ZNF668: variants seen among roughly 807,000 people sequenced by gnomAD.
ZNF668 encodes zinc finger protein 668.
Under a neutral mutation model 40.3 loss-of-function variants are expected in ZNF668, and 10 were observed. The observed-to-expected ratio is 0.25, with a 90% CI of 0.15 to 0.42. The LOEUF is 0.42. Among genes scored for constraint, ZNF668 ranks in the 10% least tolerant of loss-of-function variants. ZNF668 has a pLI of 1.00. For synonymous variants in ZNF668, 428 were observed against 384.6 expected (o/e 1.11, Z -1.32); for missense variants, 749 against 904.6 (o/e 0.83, Z 2.21).
chr16:31,069,658 TTTA>T (rs369690640), intron 1 of ZNF668, among the ~76,000 whole-genome samples: 4 of 152,140 alleles, frequency 2.6e-5, no homozygotes, highest in East Asian at 1.9e-4. Context: ...CTATCTACTC[TTTA>T]TTATTATTAT....
rs1596752709 is a variant in ZNF668, at chr16:31,063,699, T to C, written c.647+114A>G. On this transcript the variant is annotated intron_variant, in intron 2 of 2. Transcript: ENST00000300849. ...CTAGCCCCTCCCCTTGGATCTGCCATGCCCACCTTCCCATTGGCTCACTTT... is the reference window on the plus strand; with the variant it reads ...CTAGCCCCTCCCCTTGGATCTGCCACGCCCACCTTCCCATTGGCTCACTTT... The C allele has an allele frequency of 2.4e-6, 3 of 1,233,776 alleles. No homozygotes were observed. The African/African-American group carries it at 4.5e-5, about 19-fold the overall frequency. 76.4% of individuals were successfully genotyped at this position (1,233,776 alleles called of 1,614,324 possible).
Position 31,064,482 on chromosome 16 carries a change from C to G in ZNF668, c.-22-1G>C. The G allele has an allele frequency of 2.5e-6, 4 of 1,605,374 alleles. No homozygotes were observed. Among genetic ancestry groups the G allele is most frequent in the Non-Finnish European group, 3.4e-6 (4 of 1,179,840 alleles). On this transcript the variant is annotated splice_acceptor_variant, in intron 1 of 2. Transcript: ENST00000300849. LOFTEE classifies it low-confidence loss of function (5UTR_SPLICE). Reference sequence around the variant, plus strand: ...CATGGCCTTGGTGAACGGGGTTTCTCTGCAAGAGAAGCAAAGTTAGACCAA... The same window carrying G: ...CATGGCCTTGGTGAACGGGGTTTCTGTGCAAGAGAAGCAAAGTTAGACCAA...
chr16:31,061,321 C>G lies in ZNF668; in HGVS notation c.1607G>C (p.Arg536Pro), dbSNP rs771323287. The change falls in exon 3 of 3, where the codon CGC (arginine) becomes CCC (proline). Residue 536 changes from arginine (R) to proline (P), a missense_variant. By Grantham distance (103) the Arg-to-Pro change is moderately radical. This residue lies in a region of ZNF668 where 310 missense variants were observed against 355.1 expected (regional missense o/e 0.87). Coordinates refer to ENST00000300849, the MANE Select transcript of ZNF668 (RefSeq NM_024706.5). The surrounding 1 kb of genome is among the most constrained non-coding windows in gnomAD (Gnocchi z 7.7). ...STMTLLRRHE[R>P]SHPELRPFPC... Reference sequence around the variant, plus strand: ...GAAGGGCCGGAGCTCCGGGTGTGAGCGCTCGTGCCGACGCAGCAGCGTCAT... The same window carrying G: ...GAAGGGCCGGAGCTCCGGGTGTGAGGGCTCGTGCCGACGCAGCAGCGTCAT... 3 of 1,592,900 alleles carry G rather than the reference C, an allele frequency of 1.9e-6. No individual in the cohort carries two copies. The highest frequency in any genetic ancestry group is 2.6e-6 in the Non-Finnish European group (3 of 1,168,420).
chr16:31,062,059 G>C lies in ZNF668; in HGVS notation c.869C>G (p.Ser290Cys). The change falls in exon 3 of 3, where the codon TCC becomes TGC. Residue 290 changes from serine to cysteine, a missense_variant. By Grantham distance (112) the Ser-to-Cys change is moderately radical. Transcript: ENST00000300849. ...GTGGCGACGGAAGCTCGAGGGGTCG[G>C]AGAACATGCGGCCGCAGCGCGGGCA... The part of the protein sequence containing the change: ...FLCPRCGRMF[S>C]DPSSFRRHQR... 6.2e-7 allele frequency: 1 copy of C among 1,613,312 alleles called. No homozygotes were observed. The highest frequency in any genetic ancestry group is 8.5e-7 in the Non-Finnish European group (1 of 1,179,730).
intron 1 of ZNF668, among the ~76,000 whole-genome samples, chr16:31,070,295 C>G (rs2057007645): frequency 6.6e-6 from 1 of 151,600 alleles, no homozygotes; most frequent in South Asian, 2.1e-4. Context: ...GCAACCTCCG[C>G]CTCCCGGGTT....
intron 1 of ZNF668, among the ~76,000 whole-genome samples, chr16:31,068,209 C>T (rs1246393976): frequency 2.1e-5 from 2 of 93,832 alleles, no homozygotes; most frequent in African/African-American, 8.3e-5. Context: ...CTCTGTCTAA[C>T]ATCCCACCAT....
intron 1 of ZNF668, among the ~76,000 whole-genome samples, chr16:31,068,239 A>AAAAAAAAAATAT (rs1473353128): frequency 1.1e-4 from 9 of 82,988 alleles, no homozygotes; most frequent in African/African-American, 2.0e-4. Context: ...AAAAAAAAAA[A>AAAAAAAAAATAT]ATATATATAT....
In ZNF668 at chr16:31,064,228, C is replaced by T. The variant is rs202118331; in HGVS notation, c.232G>A (p.Ala78Thr). Residue 78 changes from alanine to threonine, a missense_variant, in exon 2 of 3, where the codon GCG becomes ACG. By Grantham distance (58) the Ala-to-Thr change is moderately conservative. This residue lies in a region of ZNF668 where 159 missense variants were observed against 139.8 expected (regional missense o/e 1.14). Coordinates refer to ENST00000300849, the MANE Select transcript of ZNF668 (RefSeq NM_024706.5). Reference protein sequence around the residue: ...EASGEKVSGSAAKPRPYACPL... With the variant: ...EASGEKVSGSTAKPRPYACPL... ...CACGCATAGGGCCTAGGCTTGGCCG[C>T]GGAGCCTGACACCTTCTCCCCACTG... 13 of 1,613,300 alleles carry T rather than the reference C, an allele frequency of 8.1e-6. No individual in the cohort carries two copies. Among genetic ancestry groups the T allele is most frequent in the African/African-American group, 6.7e-5 (5 of 75,076 alleles).
Position 31,061,864 on chromosome 16 carries a change from G to T in ZNF668, c.1064C>A (p.Ala355Glu). The change falls in exon 3 of 3, where the codon GCG (alanine) becomes GAG (glutamate). Residue 355 changes from alanine to glutamate, a missense_variant. By Grantham distance (107) the Ala-to-Glu change is moderately radical (BLOSUM62 -1). Around this residue, in one of 4 missense-constraint regions of ZNF668, gnomAD observed 129 missense variants for 231.2 expected, o/e 0.56. Transcript: ENST00000300849. This position sits in a 1 kb window ranked among gnomAD's most constrained non-coding sequence, Gnocchi z 7.7. ...FVASWDLKRH[A>E]LVHSGQRPFR... Reference sequence around the variant, plus strand: ...GGGCCGCTGGCCAGAGTGCACCAGCGCGTGCCGCTTGAGGTCCCAGGACGC... The same window carrying T: ...GGGCCGCTGGCCAGAGTGCACCAGCTCGTGCCGCTTGAGGTCCCAGGACGC... 1.9e-6 allele frequency: 3 copies of T among 1,612,846 alleles called. No homozygotes were observed. The highest frequency in any genetic ancestry group is 2.5e-6 in the Non-Finnish European group (3 of 1,179,568).
rs943420649 is a variant in ZNF668, at chr16:31,064,656, A to C, written c.-22-175T>G. 4.6e-6 allele frequency: 7 copies of C among 1,536,108 alleles called. No individual in the cohort carries two copies. The Admixed American group carries it at 1.4e-4, about 30-fold the overall frequency. ...TCCTCCCTGATCTGCTCATTGAAGA[A>C]AGGAGTTGGACCAAGTGTCCGCAGA... On this transcript the variant is annotated intron_variant, in intron 1 of 2. Coordinates refer to ENST00000300849, the MANE Select transcript of ZNF668 (RefSeq NM_024706.5).
intron 1 of ZNF668, among the ~76,000 whole-genome samples, chr16:31,068,446 T>C: frequency 6.7e-6 from 1 of 150,126 alleles, no homozygotes; most frequent in Admixed American, 6.7e-5. Context: ...ATGGTCTCAA[T>C]CTCCTGACCT....
Position 31,064,531 on chromosome 16 carries a change from G to C in ZNF668, c.-22-50C>G, listed in dbSNP as rs562775493. ...AAAGCCACATACCTTCGCCACTCCT[G>C]AAAGCCTCAGAGAGAACCCTATCTC... On this transcript the variant is annotated intron_variant, in intron 1 of 2. Coordinates refer to ENST00000300849, the MANE Select transcript of ZNF668 (RefSeq NM_024706.5). 1.9e-5 allele frequency: 31 copies of C among 1,598,218 alleles called. No individual in the cohort carries two copies. In the Middle Eastern group the frequency reaches 2.8e-3, roughly 145 times the overall value.
Position 31,064,319 on chromosome 16 carries a change from T to C in ZNF668, c.141A>G (p.Ala47=). Residue 47 remains alanine, a synonymous_variant, in exon 2 of 3, where the codon GCA becomes GCG. Transcript: ENST00000300849. Reference sequence around the variant, plus strand: ...CCTCGGCCACCTCTTCAGAGCAGTCTGCCGGCCCATGTGTGGCAGCGTGGC... The same window carrying C: ...CCTCGGCCACCTCTTCAGAGCAGTCCGCCGGCCCATGTGTGGCAGCGTGGC... ...AARHAATHGP[A]DCSEEVAEVK... is the part of the protein sequence containing the mutation. The C allele has an allele frequency of 6.2e-7, 1 of 1,613,992 alleles. No homozygotes were observed. The highest frequency in any genetic ancestry group is 1.1e-5 in the South Asian group (1 of 91,090).
Position 31,061,888 on chromosome 16 carries a change from G to A in ZNF668, c.1040C>T (p.Ala347Val), listed in dbSNP as rs756417351. The A allele has an allele frequency of 1.9e-6, 3 of 1,612,946 alleles. No homozygotes were observed. The highest frequency in any genetic ancestry group is 1.7e-5 in the Admixed American group (1 of 59,984). ...KCLQCDKTFV[A>V]SWDLKRHALV... is the part of the protein sequence containing the mutation. ...CGCGTGCCGCTTGAGGTCCCAGGACGCCACGAACGTCTTGTCACATTGCAG... is the reference window on the plus strand; with the variant it reads ...CGCGTGCCGCTTGAGGTCCCAGGACACCACGAACGTCTTGTCACATTGCAG... The change falls in exon 3 of 3, where the codon GCG becomes GTG. Residue 347 changes from alanine to valine, a missense_variant. Physicochemically the swap from Ala to Val is moderately conservative, Grantham distance 64 (BLOSUM62 0). This residue lies in a region of ZNF668 where 129 missense variants were observed against 231.2 expected (regional missense o/e 0.56). Transcript: ENST00000300849. The surrounding 1 kb of genome is among the most constrained non-coding windows in gnomAD (Gnocchi z 7.7).
intron 1 of ZNF668, chr16:31,064,999 T>G: frequency 8.4e-7 from 1 of 1,183,580 alleles, no homozygotes; most frequent in Non-Finnish European, 1.1e-6. Flanking sequence ...TCTTTCCTCC[T>G]CTGGATGGTT....
chr16:31,061,724 C>A lies in ZNF668; in HGVS notation c.1204G>T (p.Val402Leu). Residue 402 changes from valine to leucine, a missense_variant, in exon 3 of 3, where the codon GTG (valine) becomes TTG (leucine). This residue lies in a region of ZNF668 where 310 missense variants were observed against 355.1 expected (regional missense o/e 0.87). Transcript: ENST00000300849. The surrounding 1 kb of genome is among the most constrained non-coding windows in gnomAD (Gnocchi z 7.7). ...FHCNACGKSF[V>L]VSSSLRKHER... ...TGCTTCCTCAGGCTCGACGACACCA[C>A]AAAGGATTTCCCACATGCGTTACAG... 4 of 1,613,708 alleles carry A rather than the reference C, an allele frequency of 2.5e-6. No individual in the cohort carries two copies. Among genetic ancestry groups the A allele is most frequent in the Non-Finnish European group, 3.4e-6 (4 of 1,179,916 alleles).
intron 1 of ZNF668, among the ~76,000 whole-genome samples, chr16:31,071,643 G>T (rs1403122328): frequency 6.6e-6 from 1 of 152,078 alleles, no homozygotes; most frequent in African/African-American, 2.4e-5. Flanking sequence ...TATAGAGATG[G>T]AGGTCTCACT....
rs567799414 is a variant in ZNF668 at position 31,061,650 on chromosome 16, C to T, written c.1278G>A (p.Gln426=). ...SSEAAGVPPA[Q]ELVVGLALPV... is the part of the protein sequence containing the mutation. The stretch of plus-strand genomic sequence containing the variant: ...GCAGCGCCAACCCCACCACCAGCTC[C>T]TGTGCAGGGGGCACACCCGCGGCCT... The change falls in exon 3 of 3, where the codon CAG becomes CAA. Residue 426 remains glutamine, a synonymous_variant. Transcript: ENST00000300849. This position sits in a 1 kb window ranked among gnomAD's most constrained non-coding sequence, Gnocchi z 7.7. The T allele has an allele frequency of 1.2e-6, 2 of 1,612,834 alleles. No individual in the cohort carries two copies. The highest frequency in any genetic ancestry group is 2.7e-5 in the African/African-American group (2 of 75,060).
At chr16:31,070,121 T>C (rs2057005431) in intron 1 of ZNF668, among the ~76,000 whole-genome samples, 2 of 152,010 alleles carry the variant, frequency 1.3e-5, no homozygotes, top group Non-Finnish European at 2.9e-5. Context: ...GGTTTCACCA[T>C]GTTGGCCAGG....
Sources: gnomAD v4.1 joint callset for allele counts (sites outside exome capture counted in the v4.1 genomes callset) on GRCh38, gnomAD v4.1.1 for gene constraint, gnomAD v4.1.1 regional missense constraint, Gnocchi (gnomAD v3.1) non-coding constraint, MANE v1.5 for transcripts, NCBI Gene and HGNC (gene_info 2026-07-23, HGNC 2026-07-21) for gene names.